The following AFF3 variants were observed in gnomAD, a reference collection of about 807,000 sequenced individuals.
AFF3 encodes ALF transcription elongation factor 3, also known as AF4/FMR2 family member 3.
Under a neutral mutation model 129.7 loss-of-function variants are expected in AFF3, and 32 were observed. The observed-to-expected ratio is 0.25, with a 90% confidence interval of 0.19 to 0.33. The LOEUF is 0.33. Ranked by LOEUF, AFF3 falls within the 10% of genes least tolerant of loss-of-function variation. AFF3 has a pLI of 1.00. For missense variants in AFF3, 1,373 were observed against 1,592.0 expected (o/e 0.86, Z 2.34); for synonymous variants, 644 against 635.4 (o/e 1.01, Z -0.20).
At chr2:99,855,600 A>C (rs867549125) in intron 7 of AFF3, among the ~76,000 whole-genome samples, 3 of 152,316 alleles carry the variant, frequency 2.0e-5, no homozygotes, top group South Asian at 4.1e-4. Context: ...GTATTAAAAA[A>C]ATTTTCATGA....
chr2:99,914,276 C>T (rs1250571861), intron 7 of AFF3, among the ~76,000 whole-genome samples: 1 of 152,152 alleles, frequency 6.6e-6, no homozygotes, highest in African/African-American at 2.4e-5. Flanking sequence ...TGAATCTAAT[C>T]ATGATAAAAT....
chr2:99,720,038 AAAAT>A (rs759616712), intron 11 of AFF3, among the ~76,000 whole-genome samples: 21 of 152,372 alleles, frequency 1.4e-4, no homozygotes, highest in Non-Finnish European at 2.2e-4. Context: ...CTCCGTATCA[AAAAT>A]AAATAAATAA....
intron 2 of AFF3, among the ~76,000 whole-genome samples, chr2:100,115,312 C>G (rs2105540903): frequency 6.6e-6 from 1 of 152,246 alleles, no homozygotes; most frequent in Admixed American, 6.5e-5. Flanking sequence ...TTTTAGGAGG[C>G]TGAGGCAGGC....
chr2:100,068,874 A>G (rs573471422), intron 4 of AFF3, among the ~76,000 whole-genome samples: 205 of 152,286 alleles, frequency 1.3e-3, no homozygotes, highest in Middle Eastern at 3.4e-3. Context: ...TATGAGGTGG[A>G]GAGTCACACA....
intron 4 of AFF3, among the ~76,000 whole-genome samples, chr2:100,013,882 A>G (rs1031261601): frequency 3.3e-5 from 5 of 152,186 alleles, no homozygotes; most frequent in Admixed American, 6.5e-5. Flanking sequence ...ATAAGATTCT[A>G]AAGTTGCCCA....
At chr2:100,036,737 T>A (rs1684943347) in intron 4 of AFF3, among the ~76,000 whole-genome samples, 1 of 150,512 alleles carries the variant, frequency 6.6e-6, no homozygotes, top group South Asian at 2.1e-4. Flanking sequence ...ATGAAAATGG[T>A]TGAAAATCAG....
chr2:100,098,766 C>A (rs1175865543), intron 4 of AFF3, among the ~76,000 whole-genome samples: 1 of 104,516 alleles, frequency 9.6e-6, no homozygotes, highest in Non-Finnish European at 2.0e-5. Flanking sequence ...GGGGCCCCAG[C>A]CCAGCTGGAG....
intron 8 of AFF3, among the ~76,000 whole-genome samples, chr2:99,808,250 G>A (rs1686511419): frequency 1.3e-5 from 2 of 152,134 alleles, no homozygotes; most frequent in South Asian, 4.1e-4. Flanking sequence ...CACAATGGCA[G>A]GAAACAAGAA....
At chr2:99,994,641 G>C (rs1680666863) in intron 7 of AFF3, among the ~76,000 whole-genome samples, 1 of 152,008 alleles carries the variant, frequency 6.6e-6, no homozygotes, top group African/African-American at 2.4e-5. Context: ...TAATCTGGTG[G>C]GAAAACTAGA....
chr2:99,839,399 C>T (rs998062985), intron 7 of AFF3, among the ~76,000 whole-genome samples: 16 of 152,154 alleles, frequency 1.1e-4, no homozygotes, highest in Non-Finnish European at 2.1e-4. Flanking sequence ...CATGAGCCAC[C>T]GTGCCTGGCC....
intron 7 of AFF3, among the ~76,000 whole-genome samples, chr2:99,935,774 G>A (rs1282214011): frequency 6.6e-6 from 1 of 152,196 alleles, no homozygotes; most frequent in Admixed American, 6.5e-5. Context: ...AGAAGCTGTG[G>A]TTGTTGAGCA....
chr2:99,843,675 T>C (rs1558906719), intron 7 of AFF3, among the ~76,000 whole-genome samples: 1 of 152,204 alleles, frequency 6.6e-6, no homozygotes, highest in Admixed American at 6.5e-5. Flanking sequence ...GTGTTTATCA[T>C]AAATCCAGAA....
rs185207747 is a variant in AFF3, at chr2:99,960,173, T to C, written c.873+46459A>G. Among the ~76,000 whole-genome samples the C allele has an allele frequency of 2.0e-5, 3 of 152,312 alleles. No individual in the cohort carries two copies. In the East Asian group the frequency reaches 5.8e-4, roughly 29 times the overall value. ...TCATGGTATTAATAGAGTAGCACAA[T>C]CAAGATTTTACAATAAACGAAATGT... On this transcript the variant is annotated intron_variant, in intron 7 of 24. Coordinates refer to ENST00000672756, the MANE Select transcript of AFF3 (RefSeq NM_001386135.1).
At chr2:99,723,618 C>T (rs1183376237) in intron 11 of AFF3, among the ~76,000 whole-genome samples, 4 of 152,142 alleles carry the variant, frequency 2.6e-5, no homozygotes, top group African/African-American at 4.8e-5. Flanking sequence ...AGGCTGTCTC[C>T]CCTTTTCCCA....
intron 20 of AFF3, 80 bp from the exon 21 acceptor site, chr2:99,560,516 G>T: frequency 1.5e-6 from 2 of 1,295,396 alleles, no homozygotes; most frequent in East Asian, 2.3e-5. Context: ...TTTATTAACA[G>T]AACTTCTATG....
intron 13 of AFF3, among the ~76,000 whole-genome samples, chr2:99,626,885 T>C (rs1682638066): frequency 2.0e-5 from 3 of 152,318 alleles, no homozygotes; most frequent in Admixed American, 1.3e-4. Context: ...GCTACATCCA[T>C]GTTCCTGCAA....
chr2:99,981,487 C>G (rs191576769), intron 7 of AFF3, among the ~76,000 whole-genome samples: 1 of 152,134 alleles, frequency 6.6e-6, no homozygotes, highest in Admixed American at 6.5e-5. Flanking sequence ...TAGAAGGATA[C>G]TAGAAGTTTA....
intron 11 of AFF3, chr2:99,707,519 A>G: frequency 1.0e-6 from 1 of 985,362 alleles, no homozygotes; most frequent in Non-Finnish European, 1.2e-6. Context: ...CATAAACTGA[A>G]GTTAGGTAGC....
At chr2:99,985,267 A>G (rs1160474443) in intron 7 of AFF3, among the ~76,000 whole-genome samples, 2 of 152,224 alleles carry the variant, frequency 1.3e-5, no homozygotes, top group African/African-American at 4.8e-5. Context: ...TCTTGCAACT[A>G]AATTTATTTT....
Sources: allele counts gnomAD v4.1 joint callset (sites outside exome capture counted in the v4.1 genomes callset), GRCh38; gene constraint gnomAD v4.1.1; transcripts MANE v1.5; gene names NCBI Gene and HGNC (gene_info 2026-07-23, HGNC 2026-07-21).